TBC1D19: variants seen among roughly 807,000 people sequenced by gnomAD.
TBC1D19 encodes TBC1 domain family member 19, also known as TBC1 domain family, member 19.
In TBC1D19, 60 loss-of-function variants were observed where a neutral mutation model predicts 89.0. The ratio of observed to expected loss-of-function variants is 0.67; its 90% confidence interval spans 0.55 to 0.84. TBC1D19 has a LOEUF of 0.84. TBC1D19 is among the 40% of genes least tolerant of loss of function. The probability of loss-of-function intolerance (pLI) is 0.00; values close to 1 mark genes in which losing one functional copy is unlikely to be tolerated. For synonymous variants in TBC1D19, 189 were observed against 199.7 expected (o/e 0.95, Z 0.45); for missense variants, 500 against 610.8 (o/e 0.82, Z 1.91).
At chr4:26,649,050 T>C (rs1323614898) in intron 7 of TBC1D19, among the ~76,000 whole-genome samples, 1 of 152,072 alleles carries the variant, frequency 6.6e-6, no homozygotes, top group Admixed American at 6.6e-5. Context: ...TCCTGTCTTT[T>C]ATGTTTGTCA....
At chr4:26,633,880 G>A (rs1742954418) in intron 4 of TBC1D19, among the ~76,000 whole-genome samples, 1 of 152,026 alleles carries the variant, frequency 6.6e-6, no homozygotes, top group African/African-American at 2.4e-5. Context: ...AACTGATTTT[G>A]AAAATGTCAA....
intron 15 of TBC1D19, among the ~76,000 whole-genome samples, chr4:26,733,446 G>C (rs2109300278): frequency 8.1e-6 from 1 of 122,958 alleles, no homozygotes; most frequent in East Asian, 2.4e-4. Flanking sequence ...GAGAAGTTAA[G>C]AGACATATGC....
chr4:26,816,467 C>T, the TBC1D19 span, among the ~76,000 whole-genome samples: 1 of 151,988 alleles, frequency 6.6e-6, no homozygotes, highest in African/African-American at 2.4e-5. Flanking sequence ...TGCATAATCC[C>T]CAAATATCAC....
intron 7 of TBC1D19, among the ~76,000 whole-genome samples, chr4:26,646,497 A>G (rs1743967918): frequency 6.6e-6 from 1 of 152,240 alleles, no homozygotes; most frequent in African/African-American, 2.4e-5. Context: ...ATGCCACTAT[A>G]AAGATACATG....
intron 13 of TBC1D19, among the ~76,000 whole-genome samples, chr4:26,701,135 GT>G (rs1352793114): frequency 2.0e-5 from 3 of 152,090 alleles, no homozygotes; most frequent in Non-Finnish European, 2.9e-5. Context: ...AAGCAAGACT[GT>G]TACCCTCCCC....
In TBC1D19 at chr4:26,588,183, G is replaced by A. The variant is rs147785775; in HGVS notation, c.99+3891G>A. ...TGGGACTACAGGCGCCTGCCACCAC[G>A]CCCAGATGATTTTTTGTATTTTTAG... On this transcript the variant is annotated intron_variant, in intron 1 of 20. Transcript: ENST00000264866. Among the ~76,000 whole-genome samples, 413 of 151,874 alleles carry A rather than the reference G, an allele frequency of 2.7e-3. 4 individuals carry two copies. Among genetic ancestry groups the A allele is most frequent in the African/African-American group, 9.7e-3 (401 of 41,406 alleles).
chr4:26,740,831 C>T (rs544016479), intron 17 of TBC1D19: 14 of 985,214 alleles, frequency 1.4e-5, no homozygotes, highest in Non-Finnish European at 1.7e-5. Flanking sequence ...TCTTTATCCC[C>T]CCATTCTAAG....
At chr4:26,785,188 T>C in the TBC1D19 span, among the ~76,000 whole-genome samples, 4 of 152,174 alleles carry the variant, frequency 2.6e-5, no homozygotes, top group African/African-American at 9.7e-5. Context: ...CATTGGTAGT[T>C]TTTACAATCC....
intron 15 of TBC1D19, among the ~76,000 whole-genome samples, chr4:26,734,031 GGA>G (rs775682665): frequency 3.9e-5 from 6 of 152,150 alleles, no homozygotes; most frequent in Non-Finnish European, 5.9e-5. Flanking sequence ...TGATAGAGCA[GGA>G]GAGAGAGCAG....
intron 1 of TBC1D19, among the ~76,000 whole-genome samples, chr4:26,594,404 TG>T (rs1433641849): frequency 2.0e-5 from 3 of 152,010 alleles, no homozygotes; most frequent in Non-Finnish European, 4.4e-5. Context: ...GACGAGTTAA[TG>T]GGTGCAGCAT....
chr4:26,800,279 G>A, the TBC1D19 span, among the ~76,000 whole-genome samples: 13 of 152,146 alleles, frequency 8.5e-5, no homozygotes, highest in Non-Finnish European at 1.9e-4. Context: ...CCTTGCGATA[G>A]TTTGCTGAGA....
the TBC1D19 span, among the ~76,000 whole-genome samples, chr4:26,808,727 C>CAAAAAAAA: frequency 1.5e-4 from 14 of 94,868 alleles, no homozygotes; most frequent in South Asian, 3.7e-4. Context: ...GACTCTGTCT[C>CAAAAAAAA]AAAAAAAAAA....
the TBC1D19 span, among the ~76,000 whole-genome samples, chr4:26,847,258 T>G: frequency 6.6e-6 from 1 of 152,156 alleles, no homozygotes; most frequent in Admixed American, 6.5e-5. Flanking sequence ...CAATCTATAC[T>G]ATTTTAGGTA....
rs184103541 is a variant in TBC1D19, at chr4:26,712,698, G to A, written c.955-5235G>A. On this transcript the variant is annotated intron_variant, in intron 13 of 20. Coordinates refer to ENST00000264866, the MANE Select transcript of TBC1D19 (RefSeq NM_018317.4). ...TGGCTGGAAAGTCTAAGATTGAACAGCCTATCTAGTGAAGGTCTTATGCTG... is the reference window on the plus strand; with the variant it reads ...TGGCTGGAAAGTCTAAGATTGAACAACCTATCTAGTGAAGGTCTTATGCTG... Among the ~76,000 whole-genome samples, 148 of 152,112 alleles carry A rather than the reference G, an allele frequency of 9.7e-4. 1 individual carries two copies. Among genetic ancestry groups the A allele is most frequent in the Non-Finnish European group, 1.8e-4 (12 of 67,958 alleles).
At chr4:26,758,611 TG>T, downstream of TBC1D19, among the ~76,000 whole-genome samples, 1 of 152,262 alleles carries the variant, frequency 6.6e-6, no homozygotes, top group Middle Eastern at 3.4e-3. Context: ...TCAGGGAAGC[TG>T]GATATGAAAA....
the TBC1D19 span, among the ~76,000 whole-genome samples, chr4:26,790,538 G>A: frequency 2.0e-5 from 3 of 150,008 alleles, no homozygotes; most frequent in African/African-American, 5.1e-5. Flanking sequence ...TACCGTGATG[G>A]ATGGATGGAT....
At chr4:26,669,160 G>A (rs1712066999) in intron 9 of TBC1D19, among the ~76,000 whole-genome samples, 2 of 151,710 alleles carry the variant, frequency 1.3e-5, no homozygotes, top group South Asian at 4.1e-4. Context: ...CTTATTAGAT[G>A]AGGGTTCTAC....
chr4:26,828,121 G>A, the TBC1D19 span, among the ~76,000 whole-genome samples: 1 of 152,168 alleles, frequency 6.6e-6, no homozygotes. Flanking sequence ...GAAGTGCTCT[G>A]AGCCTTGATT....
intron 8 of TBC1D19, among the ~76,000 whole-genome samples, chr4:26,663,599 G>A (rs1322764234): frequency 1.3e-5 from 2 of 152,168 alleles, no homozygotes; most frequent in African/African-American, 4.8e-5. Context: ...AAACTGATGC[G>A]AATGCATTCT....
Sources: allele counts gnomAD v4.1 joint callset (sites outside exome capture counted in the v4.1 genomes callset), GRCh38; gene constraint gnomAD v4.1.1; transcripts MANE v1.5; gene names NCBI Gene and HGNC (gene_info 2026-07-23, HGNC 2026-07-21).